Variants in CTNNA2 observed in about 807,000 individuals in gnomAD.
CTNNA2 encodes catenin alpha 2.
CTNNA2 carries 42 observed loss-of-function variants against 101.0 expected under a neutral mutation model. The ratio of observed to expected loss-of-function variants is 0.42; its 90% CI spans 0.32 to 0.54. The LOEUF (loss-of-function observed/expected upper bound fraction) is 0.54, where lower values mean the gene tolerates loss of function less well. Among genes scored for constraint, CTNNA2 ranks in the 20% least tolerant of loss-of-function variants. The pLI is 0.14. For missense variants in CTNNA2, 871 were observed against 1,223.1 expected (o/e 0.71, Z 4.29); for synonymous variants, 450 against 456.4 (o/e 0.99, Z 0.18).
At chr2:79,229,732 T>A (rs1282798299) in intron 2 of CTNNA2, among the ~76,000 whole-genome samples, 2 of 152,140 alleles carry the variant, frequency 1.3e-5, no homozygotes, top group Non-Finnish European at 2.9e-5. Context: ...TATGGGAAAG[T>A]TTGGAATTTC....
chr2:80,313,575 GA>G, intron 7 of CTNNA2: 1 of 1,611,132 alleles, frequency 6.2e-7, no homozygotes, highest in Non-Finnish European at 8.5e-7. Context: ...GATGGATGGA[GA>G]AGGCCACTCC....
At chr2:80,485,433 G>A (rs1002381371) in intron 9 of CTNNA2, among the ~76,000 whole-genome samples, 6 of 152,106 alleles carry the variant, frequency 3.9e-5, no homozygotes, top group Non-Finnish European at 8.8e-5. Context: ...TTATTTAGTG[G>A]TCAAGTTGTA....
At chr2:79,244,071 T>C (rs893730697) in intron 2 of CTNNA2, among the ~76,000 whole-genome samples, 2 of 152,166 alleles carry the variant, frequency 1.3e-5, no homozygotes, top group African/African-American at 4.8e-5. Flanking sequence ...AGCTCATCCA[T>C]TTCTCTCCCT....
chr2:80,082,941 A>G (rs1198253680), intron 7 of CTNNA2, among the ~76,000 whole-genome samples: 3 of 152,164 alleles, frequency 2.0e-5, no homozygotes, highest in African/African-American at 7.2e-5. Context: ...CCCATGCTCC[A>G]TATTGAATTG....
At chr2:79,437,428 G>A (rs1279045522) in intron 4 of CTNNA2, among the ~76,000 whole-genome samples, 1 of 152,134 alleles carries the variant, frequency 6.6e-6, no homozygotes, top group East Asian at 1.9e-4. Context: ...TGCCGATTCT[G>A]CTGGCCCACG....
intron 9 of CTNNA2, among the ~76,000 whole-genome samples, chr2:80,432,836 T>C (rs1681668072): frequency 6.6e-6 from 1 of 152,168 alleles, no homozygotes; most frequent in African/African-American, 2.4e-5. Context: ...GAGTGGTTTA[T>C]AACTTAATTT....
intron 15 of CTNNA2, among the ~76,000 whole-genome samples, chr2:80,589,899 TGTGTGTGC>T (rs1211722697): frequency 1.4e-5 from 2 of 144,630 alleles, no homozygotes; most frequent in South Asian, 2.2e-4. Flanking sequence ...TGTGTGTGTG[TGTGTGTGC>T]GCGCGCGCGC....
At chr2:79,268,182 G>A (rs1246908686) in intron 2 of CTNNA2, among the ~76,000 whole-genome samples, 2 of 152,134 alleles carry the variant, frequency 1.3e-5, no homozygotes, top group African/African-American at 4.8e-5. Flanking sequence ...TGAGATTGCA[G>A]ATTGGCATAG....
At chr2:80,288,757 A>C (rs1362088926) in intron 7 of CTNNA2, 1 of 152,174 alleles carries the variant, frequency 6.6e-6, no homozygotes, top group African/African-American at 2.4e-5. Context: ...TCCCCCCACA[A>C]AGAGCTGGGC....
At position 80,412,883 on chromosome 2, in the gene CTNNA2, G is replaced by A. The variant is rs551809553; in HGVS notation, c.1138-6566G>A. On this transcript the variant is annotated intron_variant, in intron 8 of 18. Coordinates refer to ENST00000402739, the MANE Select transcript of CTNNA2 (RefSeq NM_001282597.3). The stretch of plus-strand genomic sequence containing the variant: ...GGATGGCAGAGAACAAGACCAAGCC[G>A]GCCTAACGTTGAATGAGCCTTTCAA... 3.9e-5 allele frequency among the ~76,000 whole-genome samples: 6 copies of A among 152,198 alleles called. No individual in the cohort carries two copies. The South Asian group carries it at 6.2e-4, about 16-fold the overall frequency.
chr2:80,017,283 A>C (rs1474541686), intron 7 of CTNNA2, among the ~76,000 whole-genome samples: 1 of 152,106 alleles, frequency 6.6e-6, no homozygotes, highest in East Asian at 1.9e-4. Context: ...TAGGTGTGCA[A>C]CTAATATTAG....
intron 8 of CTNNA2, among the ~76,000 whole-genome samples, chr2:80,416,655 T>C (rs1376036746): frequency 6.6e-6 from 1 of 152,052 alleles, no homozygotes; most frequent in Non-Finnish European, 1.5e-5. Context: ...CTTTTCACAA[T>C]GTTGTAATAT....
At chr2:80,505,523 C>A (rs1688206606) in intron 9 of CTNNA2, among the ~76,000 whole-genome samples, 1 of 152,202 alleles carries the variant, frequency 6.6e-6, no homozygotes, top group Admixed American at 6.5e-5. Context: ...GTCCACTTTT[C>A]TCAAAACTGA....
intron 3 of CTNNA2, among the ~76,000 whole-genome samples, chr2:79,754,372 G>C (rs1389646948): frequency 6.6e-6 from 1 of 152,096 alleles, no homozygotes; most frequent in African/African-American, 2.4e-5. Context: ...AGTGGAATGA[G>C]AGGACCCAAC....
intron 17 of CTNNA2, among the ~76,000 whole-genome samples, chr2:80,618,210 C>G (rs547863818): frequency 6.6e-6 from 1 of 151,778 alleles, no homozygotes; most frequent in African/African-American, 2.4e-5. Context: ...GAGCAGAAAT[C>G]GTCCATGACA....
At chr2:80,514,957 C>T (rs143204798) in intron 9 of CTNNA2, among the ~76,000 whole-genome samples, 8 of 152,238 alleles carry the variant, frequency 5.3e-5, no homozygotes, top group East Asian at 1.9e-4. Context: ...CTTGAAGGTG[C>T]GGTTTCATCA....
intron 7 of CTNNA2, among the ~76,000 whole-genome samples, chr2:80,278,697 C>A (rs2149154980): frequency 6.6e-6 from 1 of 152,184 alleles, no homozygotes; most frequent in African/African-American, 2.4e-5. Flanking sequence ...AATGGCGTGG[C>A]TCATCTGGCA....
chr2:80,281,843 G>T lies in CTNNA2; in HGVS notation c.1057-111368G>T, dbSNP rs1179783578. Among the ~76,000 whole-genome samples the T allele has an allele frequency of 2.6e-5, 4 of 151,884 alleles. No homozygotes were observed. The East Asian group carries it at 7.7e-4, about 29-fold the overall frequency. On this transcript the variant is annotated intron_variant, in intron 7 of 18. Transcript: ENST00000402739. ...TTTAAAATATTCTCTAGTATATATG[G>T]TTAGTGTAATATAATGCATTAAATT...
rs528024420 is a variant in CTNNA2 at position 79,287,272 on chromosome 2, G to T, written c.-405-25437G>T. Among the ~76,000 whole-genome samples, 658 of 152,278 alleles carry T rather than the reference G, an allele frequency of 4.3e-3. 9 individuals carry two copies. The highest frequency in any genetic ancestry group is 0.015 in the African/African-American group (623 of 41,538). ...TCTCAGCTCGTCAAAGTCATTCTCC[G>T]TCCAGCTTTGTTCCGTTGCTGGTGA... On this transcript the variant is annotated intron_variant, in intron 2 of 21. Coordinates refer to the CTNNA2 transcript ENST00000466387.
Sources: allele counts gnomAD v4.1 joint callset (sites outside exome capture counted in the v4.1 genomes callset), GRCh38; gene constraint gnomAD v4.1.1; transcripts MANE v1.5; gene names NCBI Gene and HGNC (gene_info 2026-07-23, HGNC 2026-07-21).